CDC25A: variants seen among roughly 807,000 people sequenced by gnomAD.
CDC25A encodes cell division cycle 25A.
CDC25A carries 17 observed loss-of-function variants against 64.6 expected under a neutral mutation model. The ratio of observed to expected loss-of-function variants is 0.26; its 90% confidence interval spans 0.18 to 0.39. CDC25A has a LOEUF of 0.39. Among genes scored for constraint, CDC25A ranks in the 10% least tolerant of loss-of-function variants. CDC25A has a pLI of 1.00. For synonymous variants in CDC25A, 229 were observed against 238.6 expected (o/e 0.96, Z 0.37); for missense variants, 473 against 654.8 (o/e 0.72, Z 3.03).
chr3:48,158,906 G>C lies in CDC25A; in HGVS notation c.*39C>G. ...GCAGCAAAGAGGGTAAAGGGGGATG[G>C]AGGGAAGCTTGGGCTGCTGCTGGCT... On this transcript the variant is annotated 3_prime_UTR_variant, in exon 15 of 15. Transcript: ENST00000302506. 1 of 1,611,708 alleles carries C rather than the reference G, an allele frequency of 6.2e-7. No individual in the cohort carries two copies. Among genetic ancestry groups the C allele is most frequent in the South Asian group, 1.1e-5 (1 of 90,922 alleles).
In CDC25A at chr3:48,157,730, A is replaced by C. The variant is rs895963015; in HGVS notation, c.*1215T>G. ...TAAAATTAAAACATGATAAACCCAG[A>C]AAGTTTTACCTTCAAAATCCACCAA... On this transcript the variant is annotated 3_prime_UTR_variant, in exon 15 of 15. Transcript: ENST00000302506. 6.6e-6 allele frequency: 1 copy of C among 152,600 alleles called. No homozygotes were observed. Among genetic ancestry groups the C allele is most frequent in the Non-Finnish European group, 1.5e-5 (1 of 68,038 alleles). 9.5% of individuals were successfully genotyped at this position (152,600 alleles called of 1,614,324 possible).
chr3:48,179,975 C>T (rs1202891001), intron 6 of CDC25A, among the ~76,000 whole-genome samples: 1 of 152,174 alleles, frequency 6.6e-6, no homozygotes, highest in Non-Finnish European at 1.5e-5. Context: ...CAATTCAGAC[C>T]AACAGCAGGA....
At position 48,177,933 on chromosome 3, in the gene CDC25A, G is replaced by A; in HGVS notation, c.605C>T (p.Thr202Ile). 1.2e-6 allele frequency: 2 copies of A among 1,613,586 alleles called. No homozygotes were observed. Among genetic ancestry groups the A allele is most frequent in the Non-Finnish European group, 1.7e-6 (2 of 1,179,720 alleles). Residue 202 changes from threonine to isoleucine, a missense_variant, in exon 7 of 15, where the codon ACA becomes ATA. By Grantham distance (89) the Thr-to-Ile change is moderately conservative. Transcript: ENST00000302506. ...AGTGGCTGTCACAGGTGACTGGGGT[G>A]TAAAAAGAGGAATGAAATTCCCTGG... ...SEPGNFIPLF[T>I]PQSPVTATLS...
chr3:48,168,415 G>C (rs2032133610), intron 9 of CDC25A, among the ~76,000 whole-genome samples: 1 of 104,744 alleles, frequency 9.5e-6, no homozygotes, highest in Non-Finnish European at 2.0e-5. Flanking sequence ...CACAAGCTGG[G>C]CATGGTGGTG....
rs937463969 is a variant in CDC25A at position 48,187,893 on chromosome 3, G to A, written c.55C>T (p.Pro19Ser). 1.3e-6 allele frequency: 2 copies of A among 1,544,968 alleles called. No homozygotes were observed. The highest frequency in any genetic ancestry group is 1.7e-6 in the Non-Finnish European group (2 of 1,145,414). Reference sequence around the variant, plus strand: ...ACGACGGGCTGCGACGCGGGAGGGGGGCTGCAGGCGAAGAGCAGGCGGCGG... The same window carrying A: ...ACGACGGGCTGCGACGCGGGAGGGGAGCTGCAGGCGAAGAGCAGGCGGCGG... Reference protein sequence around the residue: ...HRRRLLFACSPPPASQPVVKA... With the variant: ...HRRRLLFACSSPPASQPVVKA... The change falls in exon 1 of 15, where the codon CCC (proline) becomes TCC (serine). Residue 19 changes from proline to serine, a missense_variant. Physicochemically the swap from Pro to Ser is moderately conservative, Grantham distance 74. Transcript: ENST00000302506.
At chr3:48,183,722 G>C (rs1237559112) in intron 4 of CDC25A, 78 bp downstream of exon 4, 52 of 865,248 alleles carry the variant, frequency 6.0e-5, no homozygotes, top group Non-Finnish European at 9.1e-5. Flanking sequence ...TCTAAATTAA[G>C]TCTCCTATCA....
At chr3:48,177,745 A>T in intron 7 of CDC25A, 109 bp downstream of exon 7, 1 of 1,270,188 alleles carries the variant, frequency 7.9e-7, no homozygotes, top group East Asian at 2.3e-5. Context: ...AATATCAGCT[A>T]AGCAAGCCCC....
In CDC25A at chr3:48,158,647, G is replaced by C. The variant is rs1025205252; in HGVS notation, c.*298C>G. 2.9e-5 allele frequency: 8 copies of C among 276,754 alleles called. No individual in the cohort carries two copies. The highest frequency in any genetic ancestry group is 1.7e-4 in the African/African-American group (8 of 46,472). The allele number at this position is 276,754 out of a possible 1,614,324, so 17.1% of individuals were successfully genotyped here. ...TCATGAGATGGCTGGAGCCCGATAA[G>C]GCCCCGGCTGGTTCATCCCACTGTG... On this transcript the variant is annotated 3_prime_UTR_variant, in exon 15 of 15. Transcript: ENST00000302506.
rs1484487375 is a variant in CDC25A, at chr3:48,183,680, CAA to C, written c.327+118_327+119del. 31 of 680,966 alleles carry C rather than the reference CAA, an allele frequency of 4.6e-5. No homozygotes were observed. In the Admixed American group the frequency reaches 5.6e-4, roughly 12 times the overall value. The allele number at this position is 680,966 out of a possible 1,614,324, so 42.2% of individuals were successfully genotyped here. Reference sequence around the variant, plus strand: ...TGGGTGACAGAGCAAGACCTTGTCTCAAAAGAGACTAAAGAAAAGCAGTTTTT... The same window carrying C: ...TGGGTGACAGAGCAAGACCTTGTCTCAAGAGACTAAAGAAAAGCAGTTTTT... On this transcript the variant is annotated intron_variant, in intron 4 of 14. Transcript: ENST00000302506.
rs890988680 is a variant in CDC25A at position 48,158,544 on chromosome 3, T to C, written c.*401A>G. On this transcript the variant is annotated 3_prime_UTR_variant, in exon 15 of 15. Transcript: ENST00000302506. ...ATATGGATTATCCCACAAAGACCTT[T>C]CCTTCCCAGGTTGTCTTTGCTATTT... 47 of 165,152 alleles carry C rather than the reference T, an allele frequency of 2.8e-4. No individual in the cohort carries two copies. The highest frequency in any genetic ancestry group is 6.6e-5 in the Non-Finnish European group (5 of 76,278). The allele number at this position is 165,152 out of a possible 1,614,324, so 10.2% of individuals were successfully genotyped here. A position where few individuals can be genotyped will look rare whatever the true frequency, so the allele number is the denominator to read the frequency against.
rs2032516391 is a variant in CDC25A, at chr3:48,177,759, G to A, written c.684+95C>T. 7.8e-6 allele frequency: 11 copies of A among 1,404,350 alleles called. No individual in the cohort carries two copies. In the South Asian group the frequency reaches 1.0e-4, roughly 13 times the overall value. The allele number at this position is 1,404,350 out of a possible 1,614,324, so 87.0% of individuals were successfully genotyped here. ...AAATATCAGCTAAGCAAGCCCCGGGGAACTGCTGTTGCTGTTCTTTTTCAC... is the reference window on the plus strand; with the variant it reads ...AAATATCAGCTAAGCAAGCCCCGGGAAACTGCTGTTGCTGTTCTTTTTCAC... On this transcript the variant is annotated intron_variant, in intron 7 of 14. Transcript: ENST00000302506.
chr3:48,163,216 G>A (rs1444599730), intron 13 of CDC25A, among the ~76,000 whole-genome samples: 2 of 150,580 alleles, frequency 1.3e-5, no homozygotes, highest in Non-Finnish European at 2.9e-5. Flanking sequence ...CCAGGAGGTG[G>A]AGGTTGCAGT....
Position 48,158,235 on chromosome 3 carries a change from C to A in CDC25A, c.*710G>T, listed in dbSNP as rs2031601963. On this transcript the variant is annotated 3_prime_UTR_variant, in exon 15 of 15. Transcript: ENST00000302506. ...GGCAGCCAAGCCTGGGTCCAACGCT[C>A]TCACCAGGACCTCAGTTCTTGGCTT... 1 of 152,642 alleles carries A rather than the reference C, an allele frequency of 6.6e-6. No homozygotes were observed. Among genetic ancestry groups the A allele is most frequent in the Non-Finnish European group, 1.5e-5 (1 of 68,052 alleles). 9.5% of individuals were successfully genotyped at this position (152,642 alleles called of 1,614,324 possible).
intron 13 of CDC25A, among the ~76,000 whole-genome samples, chr3:48,160,960 T>C (rs1359947018): frequency 6.6e-6 from 1 of 151,526 alleles, no homozygotes; most frequent in African/African-American, 2.4e-5. Flanking sequence ...GAGACCAGCC[T>C]GGCCAAGATA....
intron 12 of CDC25A, among the ~76,000 whole-genome samples, chr3:48,164,961 T>A (rs2031940598): frequency 6.8e-6 from 1 of 148,070 alleles, no homozygotes. Context: ...AAAAAAAAAA[T>A]TAGCCGGGCG....
intron 9 of CDC25A, among the ~76,000 whole-genome samples, chr3:48,173,581 C>T (rs2032347008): frequency 6.6e-6 from 1 of 152,174 alleles, no homozygotes; most frequent in African/African-American, 2.4e-5. Context: ...GCGGGGGCCT[C>T]CACCTTTGCC....
At chr3:48,180,628 G>T in intron 6 of CDC25A, 93 bp downstream of exon 6, 4 of 1,317,246 alleles carry the variant, frequency 3.0e-6, no homozygotes, top group Non-Finnish European at 3.2e-6. Context: ...AAAACAGCTA[G>T]TGCTACTGTA....
At chr3:48,168,473 C>T (rs1468664737) in intron 9 of CDC25A, among the ~76,000 whole-genome samples, 1 of 151,006 alleles carries the variant, frequency 6.6e-6, no homozygotes, top group Non-Finnish European at 1.5e-5. Context: ...GGAGGATCAC[C>T]TGAGCCTGGG....
chr3:48,159,013 T>G lies in CDC25A; in HGVS notation c.1507A>C (p.Thr503Pro). The G allele has an allele frequency of 6.2e-7, 1 of 1,614,144 alleles. No individual in the cohort carries two copies. The highest frequency in any genetic ancestry group is 1.1e-5 in the South Asian group (1 of 91,082). Residue 503 changes from threonine (T) to proline (P), a missense_variant, in exon 15 of 15, where the codon ACC (threonine) becomes CCC (proline). This residue lies in a region of CDC25A where 97 missense variants were observed against 223.0 expected (regional missense o/e 0.43). Transcript: ENST00000302506. ...TCCCCTGCCCAGGTCCGGCTCTTGG[T>G]GCGGAACTTCTTCAGGTCTTCTTTA... ...DFKEDLKKFR[T>P]KSRTWAGEKS...
Sources: gnomAD v4.1 joint callset for allele counts (sites outside exome capture counted in the v4.1 genomes callset) on GRCh38, gnomAD v4.1.1 for gene constraint, gnomAD v4.1.1 regional missense constraint, MANE v1.5 for transcripts, NCBI Gene and HGNC (gene_info 2026-07-23, HGNC 2026-07-21) for gene names.